ANGPT2: variants seen among roughly 807,000 people sequenced by gnomAD.
The protein encoded by ANGPT2 is angiopoietin-2.
A neutral mutation model predicts 62.9 loss-of-function variants in ANGPT2; 28 were observed. The observed-to-expected ratio is 0.44, with a 90% CI of 0.33 to 0.61. The LOEUF is 0.61. Ranked by LOEUF, ANGPT2 falls within the 20% of genes least tolerant of loss-of-function variation. The probability of loss-of-function intolerance (pLI) is 0.03; values close to 1 mark genes in which losing one functional copy is unlikely to be tolerated. For missense variants in ANGPT2, 727 were observed against 594.9 expected, an observed-to-expected ratio of 1.22 and a Z score of -2.31; for synonymous variants, 284 against 207.8, an observed-to-expected ratio of 1.37 and a Z score of -3.15.
chr8:6,509,690 A>G (rs374141091), intron 7 of ANGPT2, among the ~76,000 whole-genome samples: 24 of 152,206 alleles, frequency 1.6e-4, no homozygotes, highest in African/African-American at 5.1e-4. Flanking sequence ...CCATGGGGCT[A>G]TGTTCTGATA....
rs370206079 is a variant in ANGPT2, at chr8:6,513,795, G to C, written c.1079C>G (p.Ser360Trp). 8 of 1,613,716 alleles carry C rather than the reference G, an allele frequency of 5.0e-6. No homozygotes were observed. Among genetic ancestry groups the C allele is most frequent in the Middle Eastern group, 1.6e-4 (1 of 6,084 alleles). The change falls in exon 7 of 9, where the codon TCG becomes TGG. Residue 360 changes from serine to tryptophan, a missense_variant. Ser to Trp is a radical substitution (Grantham distance 177). Coordinates refer to ENST00000629816, the MANE Select transcript of ANGPT2 (RefSeq NM_001118887.2). The part of the protein sequence containing the change: ...GEYWLGNEFV[S>W]QLTNQQRYVL... ...ATAGCGTTGCTGATTAGTCAGTTGC[G>C]AAACAAACTCATTTCCCAGCCAATA...
chr8:6,515,768 T>C (rs866838407), intron 5 of ANGPT2, among the ~76,000 whole-genome samples: 1 of 152,218 alleles, frequency 6.6e-6, no homozygotes, highest in South Asian at 2.1e-4. Flanking sequence ...AATATTCTTC[T>C]TGTGTTGTGT....
intron 3 of ANGPT2, among the ~76,000 whole-genome samples, chr8:6,522,783 A>AAG (rs1433276443): frequency 5.0e-4 from 75 of 150,188 alleles, no homozygotes; most frequent in African/African-American, 1.8e-3. Context: ...CAAAAAAAAA[A>AAG]AAGAAAAGAA....
chr8:6,541,629 A>T (rs1821595149), intron 1 of ANGPT2, among the ~76,000 whole-genome samples: 2 of 152,138 alleles, frequency 1.3e-5, no homozygotes, highest in Admixed American at 1.3e-4. Context: ...TACTTTGTTA[A>T]ATTCTCAGCT....
intron 3 of ANGPT2, among the ~76,000 whole-genome samples, chr8:6,522,420 T>C (rs1018755210): frequency 4.6e-5 from 7 of 151,880 alleles, no homozygotes; most frequent in Non-Finnish European, 7.4e-5. Flanking sequence ...AGTCAATGAA[T>C]GTTTGTTAAC....
chr8:6,562,764 G>A lies in ANGPT2; in HGVS notation c.171C>T (p.Ser57=), dbSNP rs1352202632. ...GCACAGCATTGGACACGTAGGGGCT[G>A]GAGGAAGAGCGGCAGTTGTCCATCT... is the stretch of plus-strand genomic sequence containing the variant. ...LPEMDNCRSS[S]SPYVSNAVQR... The change falls in exon 1 of 9, where the codon TCC becomes TCT. Residue 57 remains serine, a synonymous_variant. Transcript: ENST00000629816. The A allele has an allele frequency of 1.2e-6, 2 of 1,613,866 alleles. No individual in the cohort carries two copies. Among genetic ancestry groups the A allele is most frequent in the South Asian group, 2.2e-5 (2 of 91,068 alleles).
In ANGPT2 at chr8:6,519,845, G is replaced by C. The variant is rs945968971; in HGVS notation, c.927+19C>G. On this transcript the variant is annotated intron_variant, in intron 5 of 8. Transcript: ENST00000629816. Reference sequence around the variant, plus strand: ...CTGCCTAGAGCCAGGGAGTTAGTAAGGGGAGACGAATACCTCACCTTGATC... The same window carrying C: ...CTGCCTAGAGCCAGGGAGTTAGTAACGGGAGACGAATACCTCACCTTGATC... 6.2e-7 allele frequency: 1 copy of C among 1,612,700 alleles called. No individual in the cohort carries two copies. The highest frequency in any genetic ancestry group is 8.5e-7 in the Non-Finnish European group (1 of 1,179,156).
At chr8:6,553,242 G>A (rs1168738194) in intron 1 of ANGPT2, among the ~76,000 whole-genome samples, 2 of 152,302 alleles carry the variant, frequency 1.3e-5, no homozygotes, top group Admixed American at 6.5e-5. Context: ...TCTCGATGTG[G>A]CTGTGAACCT....
In ANGPT2 at chr8:6,509,038, C is replaced by G; in HGVS notation, c.1221G>C (p.Gly407=). 2 of 1,614,086 alleles carry G rather than the reference C, an allele frequency of 1.2e-6. No homozygotes were observed. The highest frequency in any genetic ancestry group is 8.5e-7 in the Non-Finnish European group (1 of 1,180,022). The change falls in exon 8 of 9, where the codon GGG becomes GGC. Residue 407 remains glycine (G), a synonymous_variant. Transcript: ENST00000629816. The stretch of plus-strand genomic sequence containing the variant: ...TGATGCTGCTTATTTTGCCGGCTGT[C>G]CCTGTAAGTCCTTTAAGGTGAATCC... ...NYRIHLKGLT[G]TAGKISSISQ...
At chr8:6,536,708 C>G (rs1032479071) in intron 1 of ANGPT2, among the ~76,000 whole-genome samples, 1 of 152,094 alleles carries the variant, frequency 6.6e-6, no homozygotes, top group Non-Finnish European at 1.5e-5. Context: ...TTAATGTAGC[C>G]TTTCCATAAA....
chr8:6,552,455 C>T (rs1008773275), intron 1 of ANGPT2, among the ~76,000 whole-genome samples: 5 of 152,106 alleles, frequency 3.3e-5, no homozygotes, highest in Non-Finnish European at 5.9e-5. Flanking sequence ...CATTATCTTT[C>T]GAGTAAACAT....
At chr8:6,503,320 A>C in intron 8 of ANGPT2, 59 bp from the exon 9 acceptor site, 4 of 1,585,664 alleles carry the variant, frequency 2.5e-6, no homozygotes, top group Non-Finnish European at 3.5e-6. Flanking sequence ...CCCACCACGA[A>C]GACAGCAATA....
intron 1 of ANGPT2, among the ~76,000 whole-genome samples, chr8:6,547,726 C>T (rs1822854772): frequency 6.6e-6 from 1 of 152,112 alleles, no homozygotes; most frequent in Non-Finnish European, 1.5e-5. Flanking sequence ...TCACACAAGT[C>T]ACTAGAGATT....
At chr8:6,509,087 C>T in intron 7 of ANGPT2, 25 bp from the exon 8 acceptor site, 1 of 1,609,992 alleles carries the variant, frequency 6.2e-7, no homozygotes, top group South Asian at 1.1e-5. Flanking sequence ...AGAAAAAAAA[C>T]ACATTGGCTA....
At chr8:6,535,490 CAG>C (rs1563083971) in intron 1 of ANGPT2, among the ~76,000 whole-genome samples, 1 of 152,152 alleles carries the variant, frequency 6.6e-6, no homozygotes, top group African/African-American at 2.4e-5. Flanking sequence ...TATAGGTTCA[CAG>C]TGGGTGAGCT....
intron 1 of ANGPT2, 37 bp from the exon 2 acceptor site, chr8:6,532,524 A>T: frequency 6.6e-7 from 1 of 1,508,070 alleles, no homozygotes; most frequent in Non-Finnish European, 8.9e-7. Context: ...GTCATTAGTC[A>T]AATGACCGGA....
At chr8:6,509,390 T>C (rs1814479106) in intron 7 of ANGPT2, among the ~76,000 whole-genome samples, 1 of 152,200 alleles carries the variant, frequency 6.6e-6, no homozygotes, top group South Asian at 2.1e-4. Flanking sequence ...AGGCTCCTCC[T>C]CCCAGGTCTC....
chr8:6,557,912 G>A (rs573459092), intron 1 of ANGPT2, among the ~76,000 whole-genome samples: 37 of 152,184 alleles, frequency 2.4e-4, no homozygotes, highest in African/African-American at 7.0e-4. Context: ...GGCCAGATAT[G>A]GAAAGATATA....
intron 3 of ANGPT2, among the ~76,000 whole-genome samples, chr8:6,522,734 A>T (rs989945430): frequency 3.3e-5 from 5 of 151,668 alleles, no homozygotes; most frequent in African/African-American, 1.2e-4. Flanking sequence ...AGATTATGCC[A>T]TTGCACTCCA....
Sources: allele counts gnomAD v4.1 joint callset (sites outside exome capture counted in the v4.1 genomes callset), GRCh38; gene constraint gnomAD v4.1.1; transcripts MANE v1.5; gene names NCBI Gene and HGNC (gene_info 2026-07-23, HGNC 2026-07-21).